Variants in NAV3 observed in about 807,000 individuals in gnomAD.
NAV3 encodes the protein pore membrane and/or filament interacting like protein 1.
A neutral mutation model predicts 244.7 loss-of-function variants in NAV3; 87 were observed. The observed-to-expected ratio is 0.36, with a 90% CI of 0.30 to 0.42. NAV3 has a LOEUF of 0.42. NAV3 is among the 20% of genes least tolerant of loss of function. NAV3 has a pLI of 1.00. For synonymous variants in NAV3, 1,126 were observed against 1,042.2 expected (o/e 1.08, Z -1.55); for missense variants, 2,663 against 2,893.3 (o/e 0.92, Z 1.83).
intron 2 of NAV3, among the ~76,000 whole-genome samples, chr12:77,778,060 C>A (rs928753659): frequency 4.6e-5 from 7 of 151,970 alleles, no homozygotes; most frequent in African/African-American, 1.4e-4. Flanking sequence ...TCCACCTCGG[C>A]CTCCCAAAGA....
intron 19 of NAV3, 71 bp downstream of exon 19, chr12:78,137,436 C>G (rs534358915): frequency 1.4e-6 from 2 of 1,408,160 alleles, no homozygotes; most frequent in South Asian, 2.9e-5. Context: ...TTGTGTCACT[C>G]ACATCACAAA....
chr12:77,891,717 T>C (rs928030743), intron 1 of NAV3, among the ~76,000 whole-genome samples: 1 of 152,226 alleles, frequency 6.6e-6, no homozygotes, highest in African/African-American at 2.4e-5. Context: ...TAAGGACTTG[T>C]ACATGACCCC....
intron 2 of NAV3, among the ~76,000 whole-genome samples, chr12:77,773,531 T>A (rs1870203623): frequency 1.3e-5 from 2 of 152,216 alleles, no homozygotes; most frequent in East Asian, 3.9e-4. Context: ...AGAAAAAGAA[T>A]TCTTGTCCTG....
intron 12 of NAV3, chr12:78,091,442 G>A (rs1332602658): frequency 1.3e-5 from 2 of 152,110 alleles, no homozygotes; most frequent in African/African-American, 4.8e-5. Context: ...ATGCTCAATT[G>A]ACCAATAATT....
In NAV3 at chr12:77,642,694, C is replaced by T. The variant is rs553140638; in HGVS notation, c.72+70428C>T. ...CTCCTCCAGAAGGAATAGGACAAGACATAAAATGGCAATGACTAAAGATGC... is the reference window on the plus strand; with the variant it reads ...CTCCTCCAGAAGGAATAGGACAAGATATAAAATGGCAATGACTAAAGATGC... On this transcript the variant is annotated intron_variant, in intron 2 of 8. Transcript: ENST00000550042. 6.6e-5 allele frequency among the ~76,000 whole-genome samples: 10 copies of T among 152,068 alleles called. No individual in the cohort carries two copies. In the South Asian group the frequency reaches 1.9e-3, roughly 28 times the overall value.
chr12:77,671,748 CA>C (rs1873984865), intron 2 of NAV3, among the ~76,000 whole-genome samples: 1 of 152,016 alleles, frequency 6.6e-6, no homozygotes, highest in South Asian at 2.1e-4. Flanking sequence ...TCAGCTTATA[CA>C]AAAATTGACT....
intron 2 of NAV3, among the ~76,000 whole-genome samples, chr12:77,639,591 A>G (rs1872306522): frequency 6.6e-6 from 1 of 152,178 alleles, no homozygotes; most frequent in African/African-American, 2.4e-5. Context: ...GTGAAGGAGA[A>G]TAATTAAGGT....
chr12:77,895,614 T>C (rs1381469573), intron 1 of NAV3, among the ~76,000 whole-genome samples: 1 of 152,068 alleles, frequency 6.6e-6, no homozygotes, highest in Non-Finnish European at 1.5e-5. Flanking sequence ...GTATAAAACA[T>C]GCTAAGTTTT....
intron 12 of NAV3, among the ~76,000 whole-genome samples, chr12:78,069,639 C>T (rs1478013890): frequency 1.3e-5 from 2 of 151,774 alleles, no homozygotes; most frequent in Non-Finnish European, 2.9e-5. Flanking sequence ...TGCAATAAAC[C>T]ATTAAATTTA....
chr12:77,696,328 T>C (rs1875297583), intron 2 of NAV3, among the ~76,000 whole-genome samples: 1 of 152,152 alleles, frequency 6.6e-6, no homozygotes, highest in Admixed American at 6.6e-5. Flanking sequence ...CTCATTGGCT[T>C]TGATGAAACA....
chr12:77,876,639 A>AC (rs935641461), intron 1 of NAV3, among the ~76,000 whole-genome samples: 1 of 151,914 alleles, frequency 6.6e-6, no homozygotes, highest in Non-Finnish European at 1.5e-5. Flanking sequence ...GAAAAACCAA[A>AC]CCCCTATATT....
At chr12:77,806,478 G>T (rs1303803745) in intron 2 of NAV3, among the ~76,000 whole-genome samples, 11 of 152,282 alleles carry the variant, frequency 7.2e-5, no homozygotes, top group African/African-American at 2.6e-4. Flanking sequence ...GTGCAGTTTT[G>T]AGTGAGTTTC....
chr12:78,174,608 T>C (rs1958143094), intron 24 of NAV3, among the ~76,000 whole-genome samples: 1 of 151,914 alleles, frequency 6.6e-6, no homozygotes, highest in African/African-American at 2.4e-5. Flanking sequence ...GGTATTACTA[T>C]TACTATTCTA....
intron 12 of NAV3, among the ~76,000 whole-genome samples, chr12:78,085,308 C>T (rs1459638333): frequency 6.6e-6 from 1 of 152,096 alleles, no homozygotes; most frequent in Non-Finnish European, 1.5e-5. Flanking sequence ...GAAGAAGCAA[C>T]CCCTGTTTGG....
chr12:78,144,823 C>CA (rs1289840205), intron 20 of NAV3, among the ~76,000 whole-genome samples: 3 of 135,616 alleles, frequency 2.2e-5, no homozygotes, highest in Non-Finnish European at 4.6e-5. Flanking sequence ...GATAAACTGG[C>CA]AAAAAATGTA....
intron 1 of NAV3, among the ~76,000 whole-genome samples, chr12:77,872,568 G>A (rs577485904): frequency 6.6e-6 from 1 of 152,238 alleles, no homozygotes; most frequent in Non-Finnish European, 1.5e-5. Flanking sequence ...AGGATCCAAG[G>A]TCTAGGTTTA....
intron 12 of NAV3, among the ~76,000 whole-genome samples, chr12:78,083,797 C>A (rs751139946): frequency 1.3e-5 from 2 of 152,112 alleles, no homozygotes; most frequent in African/African-American, 4.8e-5. Flanking sequence ...CCAGTGCCTG[C>A]AATTCATTGA....
At position 78,188,263 on chromosome 12, in the gene NAV3, G is replaced by T. The variant is rs1402635293; in HGVS notation, c.5806G>T (p.Ala1936Ser). 2 of 1,610,434 alleles carry T rather than the reference G, an allele frequency of 1.2e-6. No individual in the cohort carries two copies. The highest frequency in any genetic ancestry group is 1.7e-6 in the Non-Finnish European group (2 of 1,177,704). Residue 1936 changes from alanine (A) to serine (S), a missense_variant, in exon 32 of 40, where the codon GCA becomes TCA. This residue lies in a region of NAV3 where 543 missense variants were observed against 672.4 expected (regional missense o/e 0.81). Coordinates refer to ENST00000397909, the MANE Select transcript of NAV3 (RefSeq NM_001024383.2). Reference protein sequence around the residue: ...YGRAKDQKSQAYLIGSIGVSG... With the variant: ...YGRAKDQKSQSYLIGSIGVSG... ...TCTTATTTAGGACCAAAAATCTCAG[G>T]CATATTTGATAGGATCCATTGGTGT...
chr12:78,122,529 C>A lies in NAV3; in HGVS notation c.4238+101C>A, dbSNP rs1267714482. The A allele has an allele frequency of 3.6e-6, 5 of 1,397,176 alleles. No homozygotes were observed. In the East Asian group the frequency reaches 7.0e-5, roughly 20 times the overall value. 86.5% of individuals were successfully genotyped at this position (1,397,176 alleles called of 1,614,324 possible). On this transcript the variant is annotated intron_variant, in intron 16 of 39. Coordinates refer to ENST00000397909, the MANE Select transcript of NAV3 (RefSeq NM_001024383.2). The stretch of plus-strand genomic sequence containing the variant: ...TCCCTTGATTTCACTGTGAGTGCCC[C>A]GGTGCAAAAAGATGTAAGACTGATG...
Sources: allele counts gnomAD v4.1 joint callset (sites outside exome capture counted in the v4.1 genomes callset), GRCh38; gene constraint gnomAD v4.1.1; regional missense constraint gnomAD v4.1.1; transcripts MANE v1.5; gene names NCBI Gene and HGNC (gene_info 2026-07-23, HGNC 2026-07-21).